The following SV2B variants were observed in gnomAD, a reference collection of about 807,000 sequenced individuals.
The protein encoded by SV2B is solute carrier family 22 member B2.
Under a neutral mutation model 73.9 loss-of-function variants are expected in SV2B, and 41 were observed. The observed-to-expected ratio is 0.56, with a 90% CI of 0.43 to 0.72. The LOEUF is 0.72. Ranked by LOEUF, SV2B falls within the 30% of genes least tolerant of loss-of-function variation. The pLI is 0.00. For missense variants in SV2B, 764 were observed against 857.8 expected (o/e 0.89, Z 1.37); for synonymous variants, 314 against 314.2 (o/e 1.00, Z 0.01).
rs1250077897 is a variant in SV2B, at chr15:91,252,441, C to T, written c.705C>T (p.His235=). Residue 235 remains histidine (H), a synonymous_variant, in exon 4 of 13, where the codon CAC becomes CAT. Coordinates refer to ENST00000394232, the MANE Select transcript of SV2B (RefSeq NM_001323032.3). This position sits in a 1 kb window ranked among gnomAD's most constrained non-coding sequence, Gnocchi z 4.6. ...EFLSREKRGE[H]LSWLGIFWMT... Reference sequence around the variant, plus strand: ...TGTCTCGGGAGAAGCGAGGAGAACACCTCAGTTGGCTGGGCATCTTCTGGA... The same window carrying T: ...TGTCTCGGGAGAAGCGAGGAGAACATCTCAGTTGGCTGGGCATCTTCTGGA... 3 of 1,613,550 alleles carry T rather than the reference C, an allele frequency of 1.9e-6. No individual in the cohort carries two copies. In the African/African-American group the frequency reaches 4.0e-5, roughly 22 times the overall value.
chr15:91,122,665 G>T lies in SV2B; in HGVS notation c.-392+22302G>T, dbSNP rs1567269534. ...TGGGGCTCATCTTCCCCAATCATTTGTCTGTTCTTAGTCCTGTACTTTCCA... is the reference window on the plus strand; with the variant it reads ...TGGGGCTCATCTTCCCCAATCATTTTTCTGTTCTTAGTCCTGTACTTTCCA... On this transcript the variant is annotated intron_variant, in intron 1 of 12. Transcript: ENST00000394232. The surrounding 1 kb of genome is among the most constrained non-coding windows in gnomAD (Gnocchi z 4.3). Among the ~76,000 whole-genome samples the T allele has an allele frequency of 1.3e-5, 2 of 152,158 alleles. No individual in the cohort carries two copies. The highest frequency in any genetic ancestry group is 4.1e-4 in the South Asian group (2 of 4,830).
intron 1 of SV2B, among the ~76,000 whole-genome samples, chr15:91,161,691 C>T (rs1002331554): frequency 3.3e-5 from 5 of 152,242 alleles, no homozygotes; most frequent in Non-Finnish European, 7.4e-5. Context: ...CAGGTCATAG[C>T]GCTAAGTGGC....
chr15:91,148,660 T>G (rs2043218618), intron 1 of SV2B, among the ~76,000 whole-genome samples: 1 of 152,078 alleles, frequency 6.6e-6, no homozygotes, highest in African/African-American at 2.4e-5. Flanking sequence ...TACACATATA[T>G]TATATATATG....
rs753384596 is a variant in SV2B at position 91,115,662 on chromosome 15, C to A, written c.-392+15299C>A. On this transcript the variant is annotated intron_variant, in intron 1 of 12. Coordinates refer to ENST00000394232, the MANE Select transcript of SV2B (RefSeq NM_001323032.3). This position sits in a 1 kb window ranked among gnomAD's most constrained non-coding sequence, Gnocchi z 4.3. ...AAAGTGCTGGGATTACAGGTGTGAG[C>A]CACTGCGCCTGGCCTTCCTTATTTT... is the stretch of plus-strand genomic sequence containing the variant. Among the ~76,000 whole-genome samples the A allele has an allele frequency of 1.3e-5, 2 of 152,086 alleles. No individual in the cohort carries two copies. Among genetic ancestry groups the A allele is most frequent in the Non-Finnish European group, 2.9e-5 (2 of 68,022 alleles).
In SV2B at chr15:91,166,560, C is replaced by T. The variant is rs140307883; in HGVS notation, c.-391-59313C>T. Among the ~76,000 whole-genome samples the T allele has an allele frequency of 3.0e-4, 46 of 151,872 alleles. No individual in the cohort carries two copies. The Middle Eastern group carries it at 0.01, about 34-fold the overall frequency. On this transcript the variant is annotated intron_variant, in intron 1 of 12. Coordinates refer to ENST00000394232, the MANE Select transcript of SV2B (RefSeq NM_001323032.3). ...TTTTTTCAGCACCTATCTTTTTCTCCTCCTCTTTAGAGACCCTGATAGCAT... is the reference window on the plus strand; with the variant it reads ...TTTTTTCAGCACCTATCTTTTTCTCTTCCTCTTTAGAGACCCTGATAGCAT...
intron 4 of SV2B, among the ~76,000 whole-genome samples, chr15:91,255,578 T>G (rs1370324775): frequency 1.3e-5 from 2 of 152,092 alleles, no homozygotes; most frequent in Non-Finnish European, 2.9e-5. Flanking sequence ...GAGAACTTAC[T>G]CATGTAACCA....
chr15:91,111,002 G>A (rs1298990328), intron 1 of SV2B, among the ~76,000 whole-genome samples: 2 of 152,104 alleles, frequency 1.3e-5, no homozygotes, highest in East Asian at 3.9e-4. Context: ...AACACGGTGG[G>A]GTGCTGAGCC....
At chr15:91,248,733 T>C (rs2141599129) in intron 2 of SV2B, among the ~76,000 whole-genome samples, 1 of 152,328 alleles carries the variant, frequency 6.6e-6, no homozygotes, top group African/African-American at 2.4e-5. Context: ...TTGTTAGAGA[T>C]GCAGAATCTC....
In SV2B at chr15:91,107,636, G is replaced by T. The variant is rs1203368315; in HGVS notation, c.-392+7273G>T. On this transcript the variant is annotated intron_variant, in intron 1 of 12. Transcript: ENST00000394232. The stretch of plus-strand genomic sequence containing the variant: ...ACTTTCTATTTTTTTTTGAGACAGG[G>T]TCTCACTCTGTCAACCAGGCTGGAG... 2.0e-5 allele frequency among the ~76,000 whole-genome samples: 3 copies of T among 149,610 alleles called. No individual in the cohort carries two copies. In the East Asian group the frequency reaches 6.0e-4, roughly 30 times the overall value.
intron 11 of SV2B, among the ~76,000 whole-genome samples, chr15:91,286,692 C>T (rs943118843): frequency 2.0e-5 from 3 of 152,106 alleles, no homozygotes; most frequent in East Asian, 3.9e-4. Context: ...TCACAATAAC[C>T]CTATGAGGTA....
chr15:91,144,936 A>T (rs1386934440), intron 1 of SV2B, among the ~76,000 whole-genome samples: 1 of 151,654 alleles, frequency 6.6e-6, no homozygotes, highest in Non-Finnish European at 1.5e-5. Flanking sequence ...GAGCTTTAGC[A>T]GATGTAGCAA....
At chr15:91,286,846 T>C (rs1158357428) in intron 11 of SV2B, among the ~76,000 whole-genome samples, 3 of 152,102 alleles carry the variant, frequency 2.0e-5, no homozygotes, top group East Asian at 1.9e-4. Context: ...ATAAGAATTA[T>C]GGAAGTGGAA....
chr15:91,257,770 ATC>A (rs1444329552), intron 4 of SV2B, among the ~76,000 whole-genome samples: 1 of 152,148 alleles, frequency 6.6e-6, no homozygotes, highest in Non-Finnish European at 1.5e-5. Context: ...AAGGCAAGGC[ATC>A]TCTGAGGCCT....
Position 91,142,158 on chromosome 15 carries a change from G to A in SV2B, c.-392+41795G>A, listed in dbSNP as rs563872568. On this transcript the variant is annotated intron_variant, in intron 1 of 12. Transcript: ENST00000394232. ...GTCCCCCTTGACTCTGACTTCTGCT[G>A]ATTCTCAACCCCTGTTCCTGTTGCG... 3.3e-5 allele frequency among the ~76,000 whole-genome samples: 5 copies of A among 152,298 alleles called. No individual in the cohort carries two copies. In the South Asian group the frequency reaches 1.0e-3, roughly 32 times the overall value.
intron 1 of SV2B, among the ~76,000 whole-genome samples, chr15:91,160,762 A>G (rs1455100141): frequency 3.3e-5 from 5 of 152,240 alleles, no homozygotes; most frequent in African/African-American, 7.2e-5. Context: ...AATTAAAATC[A>G]GTGGAGTTAC....
rs1461577623 is a variant in SV2B at position 91,236,263 on chromosome 15, A to G, written c.451+9549A>G. On this transcript the variant is annotated intron_variant, in intron 2 of 12. Coordinates refer to ENST00000394232, the MANE Select transcript of SV2B (RefSeq NM_001323032.3). The surrounding 1 kb of genome is among the most constrained non-coding windows in gnomAD (Gnocchi z 4.1). The stretch of plus-strand genomic sequence containing the variant: ...GGTAAATGAAAGATGTTTAGTAACT[A>G]CCAATTTGCTAATTATCAGAATAAA... 2.6e-5 allele frequency among the ~76,000 whole-genome samples: 4 copies of G among 152,324 alleles called. No individual in the cohort carries two copies. The East Asian group carries it at 7.7e-4, about 29-fold the overall frequency.
intron 1 of SV2B, among the ~76,000 whole-genome samples, chr15:91,125,780 G>GAAAAAAAAAAAAAAAAAA (rs2042459772): frequency 1.2e-4 from 5 of 40,550 alleles, no homozygotes; most frequent in Non-Finnish European, 2.0e-4. Flanking sequence ...GTCTCAAGGG[G>GAAAAAAAAAAAAAAAAAA]CAAAAAAAAA....
At chr15:91,243,292 C>T (rs186772075) in intron 2 of SV2B, among the ~76,000 whole-genome samples, 80 of 152,272 alleles carry the variant, frequency 5.3e-4, no homozygotes, top group African/African-American at 1.8e-3. Context: ...CTCCTCTTAC[C>T]CGTCTCACCT....
At chr15:91,116,361 A>G (rs2042178141) in intron 1 of SV2B, among the ~76,000 whole-genome samples, 1 of 152,328 alleles carries the variant, frequency 6.6e-6, no homozygotes, top group Admixed American at 6.5e-5. Flanking sequence ...AACACCGGTC[A>G]GCATATTGCT....
Sources: gnomAD v4.1 joint callset for allele counts (sites outside exome capture counted in the v4.1 genomes callset) on GRCh38, gnomAD v4.1.1 for gene constraint, Gnocchi (gnomAD v3.1) non-coding constraint, MANE v1.5 for transcripts, NCBI Gene and HGNC (gene_info 2026-07-23, HGNC 2026-07-21) for gene names.